Variants in DENND4C observed in about 807,000 individuals in gnomAD.
DENND4C encodes the protein DENN domain-containing protein 4C.
DENND4C carries 108 observed loss-of-function variants against 203.0 expected under a neutral mutation model. The ratio of observed to expected loss-of-function variants is 0.53; its 90% CI spans 0.46 to 0.62. The LOEUF is 0.62. Among genes scored for constraint, DENND4C ranks in the 20% least tolerant of loss-of-function variants. DENND4C has a pLI of 0.00. For missense variants in DENND4C, 2,481 were observed against 2,301.2 expected, an observed-to-expected ratio of 1.08 and a Z score of -1.60; for synonymous variants, 871 against 792.4, an observed-to-expected ratio of 1.10 and a Z score of -1.67.
chr9:19,310,333 A>G (rs992074855), intron 10 of DENND4C, among the ~76,000 whole-genome samples: 1 of 152,210 alleles, frequency 6.6e-6, no homozygotes, highest in African/African-American at 2.4e-5. Flanking sequence ...CAAAGGGGAT[A>G]CTTTGAGCAG....
At chr9:19,353,516 C>A (rs1170696891) in intron 26 of DENND4C, among the ~76,000 whole-genome samples, 3 of 152,040 alleles carry the variant, frequency 2.0e-5, no homozygotes, top group African/African-American at 7.2e-5. Flanking sequence ...TAGTCCCAGG[C>A]ACCCGGGAGG....
intron 1 of DENND4C, among the ~76,000 whole-genome samples, chr9:19,240,627 C>T (rs1449941442): frequency 6.7e-6 from 1 of 150,204 alleles, no homozygotes; most frequent in Non-Finnish European, 1.5e-5. Flanking sequence ...GATCATGCCA[C>T]TTCACTCCAG....
chr9:19,359,456 C>G (rs1211560212), intron 28 of DENND4C, among the ~76,000 whole-genome samples: 4 of 151,832 alleles, frequency 2.6e-5, no homozygotes, highest in African/African-American at 9.7e-5. Flanking sequence ...CTAGAAGCCT[C>G]TAGAAGTTAG....
intron 23 of DENND4C, among the ~76,000 whole-genome samples, chr9:19,350,171 A>C (rs1218781321): frequency 6.6e-6 from 1 of 152,226 alleles, no homozygotes; most frequent in African/African-American, 2.4e-5. Flanking sequence ...TGGCTCTAAT[A>C]TTGATATTTG....
At chr9:19,357,878 A>G (rs1825729660) in intron 27 of DENND4C, 87 bp from the exon 28 acceptor site, 1 of 1,050,348 alleles carries the variant, frequency 9.5e-7, no homozygotes, top group African/African-American at 1.6e-5. Context: ...AGTAGACTCA[A>G]GGTCCATTGT....
At chr9:19,295,233 G>C (rs1396917252) in intron 5 of DENND4C, among the ~76,000 whole-genome samples, 1 of 151,992 alleles carries the variant, frequency 6.6e-6, no homozygotes, top group Non-Finnish European at 1.5e-5. Flanking sequence ...TAGGCCGGGC[G>C]CAGTGGCGCA....
chr9:19,286,855 A>G lies in DENND4C; in HGVS notation c.392A>G (p.Asn131Ser). ...TATGGTCGCTGTGCCAATGTCAACAATAGTTCAACTACTTCACAAAGAATC... is the reference window on the plus strand; with the variant it reads ...TATGGTCGCTGTGCCAATGTCAACAGTAGTTCAACTACTTCACAAAGAATC... ...TPYGRCANVN[N>S]SSTTSQRIFI... is the part of the protein sequence containing the mutation. Residue 131 changes from asparagine (N) to serine (S), a missense_variant, in exon 3 of 33, where the codon AAT (asparagine) becomes AGT (serine). Physicochemically the swap from Asn to Ser is conservative, Grantham distance 46. Coordinates refer to ENST00000434457, the MANE Select transcript of DENND4C (RefSeq NM_001330640.2). 3.2e-6 allele frequency: 4 copies of G among 1,232,140 alleles called. No individual in the cohort carries two copies. Among genetic ancestry groups the G allele is most frequent in the East Asian group, 3.2e-5 (1 of 31,706 alleles). 76.3% of individuals were successfully genotyped at this position (1,232,140 alleles called of 1,614,324 possible). A position where few individuals can be genotyped will look rare whatever the true frequency, so the allele number is the denominator to read the frequency against.
At chr9:19,246,292 C>T (rs7035784) in intron 1 of DENND4C, among the ~76,000 whole-genome samples, 29,842 of 152,046 alleles carry the variant, frequency 0.2, 3,005 homozygotes, top group Admixed American at 0.22. Flanking sequence ...AAAACAAATA[C>T]GCTAGCTCGT....
Position 19,372,415 on chromosome 9 carries a change from G to A in DENND4C, c.*242G>A. ...ACCCCTGAACTGCTTTTCTGCCTCTGTGGAAAACTACTTTGGGATTCTTCA... is the reference window on the plus strand; with the variant it reads ...ACCCCTGAACTGCTTTTCTGCCTCTATGGAAAACTACTTTGGGATTCTTCA... On this transcript the variant is annotated 3_prime_UTR_variant, in exon 33 of 33. Transcript: ENST00000434457. The A allele has an allele frequency of 5.3e-6, 2 of 377,576 alleles. No individual in the cohort carries two copies. The highest frequency in any genetic ancestry group is 9.3e-6 in the Non-Finnish European group (2 of 215,194). 23.4% of individuals were successfully genotyped at this position (377,576 alleles called of 1,614,324 possible).
At chr9:19,250,724 A>G (rs2131598829) in intron 1 of DENND4C, among the ~76,000 whole-genome samples, 1 of 152,362 alleles carries the variant, frequency 6.6e-6, no homozygotes, top group East Asian at 1.9e-4. Context: ...TGAAGGGGCT[A>G]CAGGCCCCAT....
intron 1 of DENND4C, among the ~76,000 whole-genome samples, chr9:19,257,254 G>C (rs956626821): frequency 6.6e-6 from 1 of 151,650 alleles, no homozygotes; most frequent in African/African-American, 2.4e-5. Context: ...TACTCAGGAG[G>C]CTGAGGTGTG....
In DENND4C at chr9:19,336,262, A is replaced by C; in HGVS notation, c.2590-8A>C. The C allele has an allele frequency of 1.9e-6, 3 of 1,606,054 alleles. 1 individual carries two copies. In the Admixed American group the frequency reaches 5.2e-5, roughly 28 times the overall value. ...TGAACATTATTTTTACCCTTATTTT[A>C]CCTTTAGGTAGTCTTGGAGAGCCCG... On this transcript the variant is annotated splice_polypyrimidine_tract_variant and splice_region_variant and intron_variant, in intron 18 of 32. Transcript: ENST00000434457.
intron 10 of DENND4C, among the ~76,000 whole-genome samples, chr9:19,315,608 T>TATAC (rs547422980): frequency 6.6e-6 from 1 of 151,214 alleles, no homozygotes; most frequent in Non-Finnish European, 1.5e-5. Flanking sequence ...TGTATATATA[T>TATAC]ACACACACAC....
intron 2 of DENND4C, among the ~76,000 whole-genome samples, chr9:19,279,218 A>G (rs998887096): frequency 1.5e-5 from 2 of 135,296 alleles, no homozygotes; most frequent in African/African-American, 2.8e-5. Flanking sequence ...AGTCCCAGCT[A>G]CTCAGGAGGC....
chr9:19,282,073 G>A (rs576876024), intron 2 of DENND4C, among the ~76,000 whole-genome samples: 90 of 151,966 alleles, frequency 5.9e-4, no homozygotes, highest in African/African-American at 2.0e-3. Context: ...ATTAACTTTA[G>A]CTTTATTATA....
intron 17 of DENND4C, among the ~76,000 whole-genome samples, chr9:19,333,695 C>G (rs975366086): frequency 6.6e-6 from 1 of 152,172 alleles, no homozygotes; most frequent in Non-Finnish European, 1.5e-5. Flanking sequence ...TTTTCTCTCT[C>G]AAGCCTTAGA....
rs913601889 is a variant in DENND4C at position 19,311,943 on chromosome 9, A to G, written c.1488-4474A>G. Among the ~76,000 whole-genome samples the G allele has an allele frequency of 8.5e-5, 13 of 152,308 alleles. No individual in the cohort carries two copies. In the East Asian group the frequency reaches 2.5e-3, roughly 29 times the overall value. On this transcript the variant is annotated intron_variant, in intron 10 of 32. Coordinates refer to ENST00000434457, the MANE Select transcript of DENND4C (RefSeq NM_001330640.2). The stretch of plus-strand genomic sequence containing the variant: ...TCCACTTCTAGGAATTGATCCTAAC[A>G]TTTTATTTTGTATGAAATCATGTTT...
chr9:19,337,909 T>C (rs1003039330), intron 20 of DENND4C, among the ~76,000 whole-genome samples: 12 of 152,252 alleles, frequency 7.9e-5, no homozygotes, highest in South Asian at 6.2e-4. Context: ...GCTAAAATTC[T>C]TATTTTGAGG....
chr9:19,370,101 A>G (rs55988648), intron 31 of DENND4C, 114 bp downstream of exon 31: 2 of 1,258,098 alleles, frequency 1.6e-6, no homozygotes, highest in South Asian at 2.5e-5. Context: ...TCATTGCAAA[A>G]CATCTATTGT....
Sources: gnomAD v4.1 joint callset for allele counts (sites outside exome capture counted in the v4.1 genomes callset) on GRCh38, gnomAD v4.1.1 for gene constraint, MANE v1.5 for transcripts, NCBI Gene and HGNC (gene_info 2026-07-23, HGNC 2026-07-21) for gene names.